The following PEX10 variants were observed in gnomAD, a reference collection of about 807,000 sequenced individuals.
PEX10 encodes peroxisome biogenesis factor 10.
A neutral mutation model predicts 38.0 loss-of-function variants in PEX10; 32 were observed. The observed-to-expected ratio is 0.84, with a 90% CI of 0.63 to 1.13. The LOEUF (loss-of-function observed/expected upper bound fraction) is 1.13, where lower values mean the gene tolerates loss of function less well. Ranked by LOEUF, PEX10 falls within the 50% of genes most tolerant of loss-of-function variation. PEX10 has a pLI of 0.00. For synonymous variants in PEX10, 206 were observed against 207.3 expected, an observed-to-expected ratio of 0.99 and a Z score of 0.05; for missense variants, 483 against 457.7, an observed-to-expected ratio of 1.06 and a Z score of -0.51.
intron 5 of PEX10, among the ~76,000 whole-genome samples, chr1:2,406,138 C>T (rs977619837): frequency 5.3e-5 from 8 of 152,136 alleles, no homozygotes; most frequent in African/African-American, 1.7e-4. Flanking sequence ...CTCACCCTGC[C>T]GGCATCTTCG....
Position 2,405,591 on chromosome 1 carries a change from A to G in PEX10, c.*175T>C, listed in dbSNP as rs1389854882. On this transcript the variant is annotated 3_prime_UTR_variant, in exon 6 of 6. Transcript: ENST00000447513. Reference sequence around the variant, plus strand: ...CAGGCGCCCCTCCCAGGGCTGAGAAAGCGCAGCCAGGGACAGCTTTCTGTT... The same window carrying G: ...CAGGCGCCCCTCCCAGGGCTGAGAAGGCGCAGCCAGGGACAGCTTTCTGTT... 2.8e-6 allele frequency: 2 copies of G among 722,756 alleles called. No homozygotes were observed. Among genetic ancestry groups the G allele is most frequent in the Admixed American group, 4.0e-5 (2 of 49,806 alleles). The allele number at this position is 722,756 out of a possible 1,614,324, so 44.8% of individuals were successfully genotyped here.
In PEX10 at chr1:2,405,114, C is replaced by T. The variant is rs1284842967; in HGVS notation, c.*652G>A. On this transcript the variant is annotated 3_prime_UTR_variant, in exon 6 of 6. Transcript: ENST00000447513. ...AGGCTGAGATGCAGATTTCTGTTTTCTAAAACTGGAAGCGACCTTGACGTG... is the reference window on the plus strand; with the variant it reads ...AGGCTGAGATGCAGATTTCTGTTTTTTAAAACTGGAAGCGACCTTGACGTG... 1 of 160,540 alleles carries T rather than the reference C, an allele frequency of 6.2e-6. No individual in the cohort carries two copies. Among genetic ancestry groups the T allele is most frequent in the Non-Finnish European group, 1.4e-5 (1 of 72,378 alleles). The allele number at this position is 160,540 out of a possible 1,614,324, so 9.9% of individuals were successfully genotyped here. A position where few individuals can be genotyped will look rare whatever the true frequency, so the allele number is the denominator to read the frequency against.
chr1:2,412,417 G>T lies in PEX10; in HGVS notation c.86C>A (p.Ala29Glu). The T allele has an allele frequency of 7.1e-7, 1 of 1,412,906 alleles. No individual in the cohort carries two copies. Among genetic ancestry groups the T allele is most frequent in the South Asian group, 1.5e-5 (1 of 68,108 alleles). 87.5% of individuals were successfully genotyped at this position (1,412,906 alleles called of 1,614,324 possible). A position where few individuals can be genotyped will look rare whatever the true frequency, so the allele number is the denominator to read the frequency against. ...CGCCAGGCTGTGCAGGGCGCCGCCC[G>T]CCGCGCTCCGCAGCCCACCGCGGTA... ...EYYRGGLRSA[A>E]GGALHSLAGA... The change falls in exon 1 of 6, where the codon GCG (alanine) becomes GAG (glutamate). Residue 29 changes from alanine (A) to glutamate (E), a missense_variant. Transcript: ENST00000447513.
upstream of PEX10, among the ~76,000 whole-genome samples, chr1:2,413,413 A>G (rs1370171921): frequency 1.3e-5 from 2 of 152,198 alleles, no homozygotes; most frequent in South Asian, 2.1e-4. Context: ...AGCACTTGCC[A>G]AGGCCGCACA....
chr1:2,405,779 C>T lies in PEX10; in HGVS notation c.968G>A (p.Arg323Gln), dbSNP rs781194710. 14 of 1,603,332 alleles carry T rather than the reference C, an allele frequency of 8.7e-6. No individual in the cohort carries two copies. In the South Asian group the frequency reaches 9.0e-5, roughly 10 times the overall value. The change falls in exon 6 of 6, where the codon CGG (arginine) becomes CAG (glutamine). Residue 323 changes from arginine to glutamine, a missense_variant. Coordinates refer to ENST00000447513, the MANE Select transcript of PEX10 (RefSeq NM_002617.4). ...KFPPQKLIYL[R>Q]HYR ...CCGGGCGCCGGCTCAGCGGTAGTGCCGAAGGTAGATGAGCTTCTGGGGAGG... is the reference window on the plus strand; with the variant it reads ...CCGGGCGCCGGCTCAGCGGTAGTGCTGAAGGTAGATGAGCTTCTGGGGAGG...
At chr1:2,411,327 C>G (rs1643202541) in intron 1 of PEX10, among the ~76,000 whole-genome samples, 1 of 151,604 alleles carries the variant, frequency 6.6e-6, no homozygotes, top group African/African-American at 2.4e-5. Flanking sequence ...CCTCCGCCTC[C>G]CGGGTTCAAG....
Position 2,410,244 on chromosome 1 carries a change from C to G in PEX10, c.193+127G>C. 2 of 819,442 alleles carry G rather than the reference C, an allele frequency of 2.4e-6. No homozygotes were observed. Among genetic ancestry groups the G allele is most frequent in the Non-Finnish European group, 4.2e-6 (2 of 480,988 alleles). 50.8% of individuals were successfully genotyped at this position (819,442 alleles called of 1,614,324 possible). The stretch of plus-strand genomic sequence containing the variant: ...CCTCGGAGCAGTACCTCCTGCACTT[C>G]CCTGAAGCAACCTCACCCGGGCCAG... On this transcript the variant is annotated intron_variant, in intron 2 of 5. Coordinates refer to ENST00000447513, the MANE Select transcript of PEX10 (RefSeq NM_002617.4). This position sits in a 1 kb window ranked among gnomAD's most constrained non-coding sequence, Gnocchi z 5.1.
In PEX10 at chr1:2,410,066, A is replaced by C. The variant is rs1643138463; in HGVS notation, c.193+305T>G. ...TCACACGGGCACTGCACCCTATGACATGGCTCAGCACTGTGACTCACTGGT... is the reference window on the plus strand; with the variant it reads ...TCACACGGGCACTGCACCCTATGACCTGGCTCAGCACTGTGACTCACTGGT... On this transcript the variant is annotated intron_variant, in intron 2 of 5. Transcript: ENST00000447513. This position sits in a 1 kb window ranked among gnomAD's most constrained non-coding sequence, Gnocchi z 5.1. The C allele has an allele frequency of 1.2e-5, 5 of 403,012 alleles. No individual in the cohort carries two copies. Among genetic ancestry groups the C allele is most frequent in the Non-Finnish European group, 2.4e-5 (5 of 211,430 alleles). The allele number at this position is 403,012 out of a possible 1,614,324, so 25.0% of individuals were successfully genotyped here.
chr1:2,411,469 G>A (rs889018175), intron 1 of PEX10, among the ~76,000 whole-genome samples: 1 of 151,868 alleles, frequency 6.6e-6, no homozygotes, highest in Non-Finnish European at 1.5e-5. Context: ...CTGACCTCAA[G>A]TGATCCACCC....
rs1643143502 is a variant in PEX10 at position 2,410,298 on chromosome 1, GC to G, written c.193+72del. The G allele has an allele frequency of 1.8e-5, 24 of 1,328,622 alleles. 1 individual carries two copies. In the South Asian group the frequency reaches 2.6e-4, roughly 14 times the overall value. 82.3% of individuals were successfully genotyped at this position (1,328,622 alleles called of 1,614,324 possible). A position where few individuals can be genotyped will look rare whatever the true frequency, so the allele number is the denominator to read the frequency against. On this transcript the variant is annotated intron_variant, in intron 2 of 5. Transcript: ENST00000447513. The surrounding 1 kb of genome is among the most constrained non-coding windows in gnomAD (Gnocchi z 5.1). ...CAGGAGCTTCTCACACTGCCTGGCA[GC>G]CCCCTGGCCACCGTCCCCAGACTTG...
At chr1:2,411,188 A>G (rs1409210171) in intron 1 of PEX10, among the ~76,000 whole-genome samples, 1 of 150,284 alleles carries the variant, frequency 6.7e-6, no homozygotes, top group South Asian at 2.1e-4. Flanking sequence ...TCATGCCTTT[A>G]ACGACTGCCT....
intron 3 of PEX10, among the ~76,000 whole-genome samples, chr1:2,407,985 G>A (rs918529408): frequency 7.9e-5 from 12 of 151,746 alleles, no homozygotes; most frequent in East Asian, 1.9e-4. Flanking sequence ...AGGTGGGAAC[G>A]GCCGTCTGAT....
chr1:2,408,636 G>A lies in PEX10; in HGVS notation c.416C>T (p.Ser139Leu). Residue 139 changes from serine to leucine, a missense_variant, in exon 3 of 6, where the codon TCA becomes TTA. Transcript: ENST00000447513. ...GSLGPGGRGC[S>L]GARRWMRHHT... Reference sequence around the variant, plus strand: ...GTGACGCATCCAGCGCCGCGCCCCTGAGCAGCCACGCCCACCTGGCCCCAG... The same window carrying A: ...GTGACGCATCCAGCGCCGCGCCCCTAAGCAGCCACGCCCACCTGGCCCCAG... 6.2e-7 allele frequency: 1 copy of A among 1,610,780 alleles called. No homozygotes were observed. The highest frequency in any genetic ancestry group is 8.5e-7 in the Non-Finnish European group (1 of 1,179,236).
In PEX10 at chr1:2,412,432, C is replaced by T; in HGVS notation, c.71G>A (p.Gly24Glu). 1 of 1,425,818 alleles carries T rather than the reference C, an allele frequency of 7.0e-7. No individual in the cohort carries two copies. The highest frequency in any genetic ancestry group is 3.0e-5 in the East Asian group (1 of 32,902). 88.3% of individuals were successfully genotyped at this position (1,425,818 alleles called of 1,614,324 possible). ...GGCGCCGCCCGCCGCGCTCCGCAGC[C>T]CACCGCGGTAGTACTCGTCCTTCTG... ...AAQKDEYYRG[G>E]LRSAAGGALH... Residue 24 changes from glycine (G) to glutamate (E), a missense_variant, in exon 1 of 6, where the codon GGG (glycine) becomes GAG (glutamate). By Grantham distance (98) the Gly-to-Glu change is moderately conservative. Coordinates refer to ENST00000447513, the MANE Select transcript of PEX10 (RefSeq NM_002617.4).
chr1:2,411,921 G>GGCTGCT (rs1051184518), intron 1 of PEX10, among the ~76,000 whole-genome samples: 2 of 152,362 alleles, frequency 1.3e-5, no homozygotes, highest in African/African-American at 4.8e-5. Context: ...GAGGGGCCTG[G>GGCTGCT]GCTGCTGCTC....
In PEX10 at chr1:2,405,622, C is replaced by T. The variant is rs897250273; in HGVS notation, c.*144G>A. 3.8e-6 allele frequency: 3 copies of T among 795,586 alleles called. No homozygotes were observed. Among genetic ancestry groups the T allele is most frequent in the Non-Finnish European group, 6.4e-6 (3 of 470,064 alleles). The allele number at this position is 795,586 out of a possible 1,614,324, so 49.3% of individuals were successfully genotyped here. On this transcript the variant is annotated 3_prime_UTR_variant, in exon 6 of 6. Coordinates refer to ENST00000447513, the MANE Select transcript of PEX10 (RefSeq NM_002617.4). ...GCCAGGGACAGCTTTCTGTTCTCTC[C>T]CAGGGTGGCTAGGTTAGTATCTTAC...
Position 2,405,338 on chromosome 1 carries a change from C to T in PEX10, c.*428G>A. On this transcript the variant is annotated 3_prime_UTR_variant, in exon 6 of 6. Transcript: ENST00000447513. ...AAGCAACCCGCCAGCCTCCGTGCCC[C>T]ACCCCACCCAGCACGCACTCATTCA... is the stretch of plus-strand genomic sequence containing the variant. 8.9e-6 allele frequency: 3 copies of T among 335,378 alleles called. No homozygotes were observed. The highest frequency in any genetic ancestry group is 4.8e-5 in the South Asian group (2 of 41,692). 20.8% of individuals were successfully genotyped at this position (335,378 alleles called of 1,614,324 possible).
intron 5 of PEX10, 58 bp from the exon 6 acceptor site, chr1:2,405,892 CATCGGCATTTCTTTTCCTGT>C: frequency 3.7e-6 from 5 of 1,343,634 alleles, no homozygotes; most frequent in Non-Finnish European, 4.2e-6. Flanking sequence ...TGCCCATCCC[CATCGGCATTTCTTTTCCTGT>C]CCACATTCTC....
At chr1:2,408,187 A>C (rs1643071276) in intron 3 of PEX10, among the ~76,000 whole-genome samples, 1 of 152,170 alleles carries the variant, frequency 6.6e-6, no homozygotes, top group Non-Finnish European at 1.5e-5. Context: ...AGCTAAGCGC[A>C]GGGCCCGGTG....
Sources: gnomAD v4.1 joint callset for allele counts (sites outside exome capture counted in the v4.1 genomes callset) on GRCh38, gnomAD v4.1.1 for gene constraint, Gnocchi (gnomAD v3.1) non-coding constraint, MANE v1.5 for transcripts, NCBI Gene and HGNC (gene_info 2026-07-23, HGNC 2026-07-21) for gene names.